The following TAMM41 variants were observed in gnomAD, a reference collection of about 807,000 sequenced individuals.
TAMM41 encodes TAM41 mitochondrial translocator assembly and maintenance homolog.
TAMM41 carries 36 observed loss-of-function variants against 44.1 expected under a neutral mutation model. The ratio of observed to expected loss-of-function variants is 0.82; its 90% CI spans 0.63 to 1.08. The LOEUF is 1.08. TAMM41 is among the 50% of genes least tolerant of loss of function. The pLI is 0.00. For missense variants in TAMM41, 417 were observed against 404.3 expected (o/e 1.03, Z -0.27); for synonymous variants, 164 against 153.1 (o/e 1.07, Z -0.53).
the TAMM41 span, among the ~76,000 whole-genome samples, chr3:11,742,195 C>T: frequency 2.0e-5 from 3 of 150,122 alleles, 1 homozygote; most frequent in African/African-American, 7.6e-5. Flanking sequence ...CCACAAAAAT[C>T]CCTTGGGGTG....
the TAMM41 span, among the ~76,000 whole-genome samples, chr3:11,729,522 TTTCTTTTCTTTCTTTCA>T: frequency 1.0e-3 from 140 of 134,902 alleles, no homozygotes; most frequent in East Asian, 3.9e-3. Context: ...TCTTTCTTTC[TTTCTTTTCTTTCTTTCA>T]TTTTTTTTTT....
chr3:11,730,187 G>A, the TAMM41 span, among the ~76,000 whole-genome samples: 2 of 152,070 alleles, frequency 1.3e-5, no homozygotes, highest in Non-Finnish European at 2.9e-5. Flanking sequence ...TTGAGATGCC[G>A]ATGTGGGTGG....
chr3:11,730,417 CAAA>C, the TAMM41 span, among the ~76,000 whole-genome samples: 6 of 99,204 alleles, frequency 6.0e-5, no homozygotes, highest in Non-Finnish European at 6.4e-5. Flanking sequence ...TACTTCATCT[CAAA>C]AAAAAAAAAA....
the TAMM41 span, among the ~76,000 whole-genome samples, chr3:11,776,996 G>A: frequency 2.0e-5 from 3 of 152,282 alleles, no homozygotes; most frequent in South Asian, 6.2e-4. Flanking sequence ...GGGGTCAGGT[G>A]GAATGGGAAG....
At chr3:11,809,094 G>A (rs1034572553) in intron 6 of TAMM41, 6 of 244,686 alleles carry the variant, frequency 2.5e-5, no homozygotes, top group African/African-American at 1.4e-4. Flanking sequence ...ATGTCTGAGG[G>A]AATGTACTCA....
downstream of TAMM41, among the ~76,000 whole-genome samples, chr3:11,786,311 T>TTATTATTA (rs1553564682): frequency 2.7e-5 from 4 of 147,610 alleles, no homozygotes; most frequent in Non-Finnish European, 6.0e-5. Context: ...ATTATTATTA[T>TTATTATTA]TATTATTTTT....
intron 2 of TAMM41, 99 bp from the exon 3 acceptor site, chr3:11,839,413 G>T: frequency 2.7e-6 from 2 of 744,102 alleles, no homozygotes; most frequent in African/African-American, 1.8e-5. Flanking sequence ...CTTGACCAGA[G>T]CAGTACCTTG....
At chr3:11,731,543 A>G in the TAMM41 span, among the ~76,000 whole-genome samples, 1 of 152,202 alleles carries the variant, frequency 6.6e-6, no homozygotes, top group East Asian at 1.9e-4. Context: ...GTGCCCTGCT[A>G]CTTTAGACCA....
chr3:11,787,215 C>G (rs2077422799), downstream of TAMM41, among the ~76,000 whole-genome samples: 1 of 152,176 alleles, frequency 6.6e-6, no homozygotes, highest in African/African-American at 2.4e-5. Context: ...AGTCATAGAG[C>G]ATCTCATCTG....
chr3:11,825,800 T>C (rs1280842608), intron 4 of TAMM41, among the ~76,000 whole-genome samples: 4 of 152,132 alleles, frequency 2.6e-5, no homozygotes, highest in African/African-American at 9.7e-5. Flanking sequence ...TTTTTTTTTT[T>C]TTAATTTAAG....
At chr3:11,733,002 TTG>T in the TAMM41 span, among the ~76,000 whole-genome samples, 10 of 91,206 alleles carry the variant, frequency 1.1e-4, no homozygotes, top group South Asian at 3.9e-4. Flanking sequence ...TTTTTTTTGT[TTG>T]TTTGTTTGTT....
At chr3:11,758,097 G>C in the TAMM41 span, among the ~76,000 whole-genome samples, 2 of 152,258 alleles carry the variant, frequency 1.3e-5, no homozygotes, top group African/African-American at 4.8e-5. Flanking sequence ...GGAGTCAGTC[G>C]GGTGAAAGAA....
the TAMM41 span, among the ~76,000 whole-genome samples, chr3:11,737,323 T>TATC: frequency 8.3e-5 from 11 of 132,648 alleles, no homozygotes; most frequent in Non-Finnish European, 1.3e-4. Context: ...TTATTATTAT[T>TATC]ATCATTATTA....
chr3:11,726,201 G>A, the TAMM41 span, among the ~76,000 whole-genome samples: 6 of 152,238 alleles, frequency 3.9e-5, no homozygotes, highest in African/African-American at 1.4e-4. Flanking sequence ...GTACTTTCAT[G>A]AATCTCTCCT....
the TAMM41 span, among the ~76,000 whole-genome samples, chr3:11,753,388 T>C: frequency 6.6e-6 from 1 of 151,572 alleles, no homozygotes; most frequent in East Asian, 1.9e-4. Context: ...GAGCCAAGAA[T>C]GCACCACTGC....
At chr3:11,743,416 C>T in the TAMM41 span, among the ~76,000 whole-genome samples, 1 of 151,890 alleles carries the variant, frequency 6.6e-6, no homozygotes, top group South Asian at 2.1e-4. Flanking sequence ...TCACTACAAC[C>T]TCTGCCTCCA....
chr3:11,808,605 C>T (rs1489931932), intron 6 of TAMM41: 41 of 985,312 alleles, frequency 4.2e-5, no homozygotes, highest in Non-Finnish European at 4.8e-5. Flanking sequence ...CAGGAGAATG[C>T]ACTCAATTGA....
At chr3:11,725,384 C>A in the TAMM41 span, among the ~76,000 whole-genome samples, 1 of 140,660 alleles carries the variant, frequency 7.1e-6, no homozygotes, top group Non-Finnish European at 1.6e-5. Context: ...CCTCTTCCTC[C>A]TCCTTCTTTT....
At chr3:11,734,509 G>A in the TAMM41 span, among the ~76,000 whole-genome samples, 1 of 152,096 alleles carries the variant, frequency 6.6e-6, no homozygotes, top group African/African-American at 2.4e-5. Context: ...CACTGCCTTT[G>A]ACCCTGAGTG....
Sources: allele counts gnomAD v4.1 joint callset (sites outside exome capture counted in the v4.1 genomes callset), GRCh38; gene constraint gnomAD v4.1.1; transcripts MANE v1.5; gene names NCBI Gene and HGNC (gene_info 2026-07-23, HGNC 2026-07-21).